The following WDR17 variants were observed in gnomAD, a reference collection of about 807,000 sequenced individuals.
WDR17 encodes the protein WD repeat-containing protein 17.
WDR17 carries 143 observed loss-of-function variants against 161.7 expected under a neutral mutation model. That is an observed-to-expected ratio of 0.88 (90% CI 0.77 to 1.02). WDR17 has a LOEUF of 1.02. WDR17 is among the 50% of genes least tolerant of loss of function. The pLI is 0.00. For synonymous variants in WDR17, 517 were observed against 515.6 expected (o/e 1.00, Z -0.04); for missense variants, 1,469 against 1,520.9 (o/e 0.97, Z 0.57).
intron 18 of WDR17, among the ~76,000 whole-genome samples, chr4:176,159,528 T>C (rs1748708932): frequency 6.6e-6 from 1 of 152,206 alleles, no homozygotes; most frequent in African/African-American, 2.4e-5. Flanking sequence ...TTTATGTTTC[T>C]ATATTCTCCA....
chr4:176,089,658 T>C (rs988105412), intron 1 of WDR17, among the ~76,000 whole-genome samples: 1 of 152,134 alleles, frequency 6.6e-6, no homozygotes, highest in African/African-American at 2.4e-5. Flanking sequence ...GTGCCGAGTG[T>C]AGTATATATG....
intron 1 of WDR17, among the ~76,000 whole-genome samples, chr4:176,069,614 G>T (rs1732963983): frequency 6.6e-6 from 1 of 152,040 alleles, no homozygotes; most frequent in Non-Finnish European, 1.5e-5. Flanking sequence ...TTTTTCTTAT[G>T]CTTAGGTTTA....
At chr4:176,100,965 A>G (rs1031529737) in intron 1 of WDR17, among the ~76,000 whole-genome samples, 11 of 152,180 alleles carry the variant, frequency 7.2e-5, no homozygotes, top group Middle Eastern at 3.4e-3. Flanking sequence ...TTATACCAGT[A>G]CCATGCTATT....
intron 20 of WDR17, 64 bp downstream of exon 20, chr4:176,161,066 A>C: frequency 7.3e-7 from 1 of 1,362,838 alleles, no homozygotes; most frequent in Non-Finnish European, 1.0e-6. Context: ...GGAATTTTTG[A>C]AGTCTCTATA....
chr4:176,120,235 A>G, intron 4 of WDR17, 138 bp downstream of exon 4: 1 of 554,830 alleles, frequency 1.8e-6, no homozygotes. Context: ...TGATATTATT[A>G]TTGTTAAAAT....
At chr4:176,079,173 C>T (rs1734440002) in intron 1 of WDR17, among the ~76,000 whole-genome samples, 1 of 152,106 alleles carries the variant, frequency 6.6e-6, no homozygotes, top group African/African-American at 2.4e-5. Flanking sequence ...GTCTTCCAGG[C>T]TTATCTATGT....
chr4:176,098,727 T>G (rs1321127809), intron 1 of WDR17, among the ~76,000 whole-genome samples: 1 of 151,996 alleles, frequency 6.6e-6, no homozygotes, highest in Admixed American at 6.6e-5. Context: ...AATATGTAAT[T>G]CAGATTTTAA....
In WDR17 at chr4:176,150,173, TGTAA is replaced by T; in HGVS notation, c.2178+4_2178+7del. 6.2e-7 allele frequency: 1 copy of T among 1,612,054 alleles called. No individual in the cohort carries two copies. The highest frequency in any genetic ancestry group is 2.2e-5 in the East Asian group (1 of 44,802). On this transcript the variant is annotated splice_donor_variant and splice_donor_region_variant and intron_variant, in intron 15 of 28. Transcript: ENST00000508596. LOFTEE classifies it high-confidence loss of function. Reference sequence around the variant, plus strand: ...TAAGATGGTTCTCAGAATGTTTATCTGTAAGTATTACAGGAATTAAATGCGAATA... The same window carrying T: ...TAAGATGGTTCTCAGAATGTTTATCTGTATTACAGGAATTAAATGCGAATA...
At chr4:176,076,250 T>C (rs1467331514) in intron 1 of WDR17, among the ~76,000 whole-genome samples, 86 of 64,678 alleles carry the variant, frequency 1.3e-3, no homozygotes, top group Middle Eastern at 0.016. Flanking sequence ...TATATATATA[T>C]ATATACACAC....
Position 176,092,780 on chromosome 4 carries a change from G to A in WDR17, c.-6-18795G>A, listed in dbSNP as rs183700836. Reference sequence around the variant, plus strand: ...ATCAAGGCTTGATGCGGTGGCTCACGTCTGTAATCTCAGCACTTTGGGAGG... The same window carrying A: ...ATCAAGGCTTGATGCGGTGGCTCACATCTGTAATCTCAGCACTTTGGGAGG... On this transcript the variant is annotated intron_variant, in intron 1 of 28. Coordinates refer to ENST00000508596, the MANE Select transcript of WDR17 (RefSeq NM_181265.4). Among the ~76,000 whole-genome samples, 309 of 152,264 alleles carry A rather than the reference G, an allele frequency of 2.0e-3. 1 individual carries two copies. Among genetic ancestry groups the A allele is most frequent in the Middle Eastern group, 0.014 (4 of 294 alleles).
At chr4:176,099,585 C>T (rs578090304) in intron 1 of WDR17, among the ~76,000 whole-genome samples, 1 of 152,100 alleles carries the variant, frequency 6.6e-6, no homozygotes, top group African/African-American at 2.4e-5. Context: ...TATTTTTAAC[C>T]AACTTTTAAA....
At position 176,135,018 on chromosome 4, in the gene WDR17, C is replaced by T. The variant is rs568581003; in HGVS notation, c.1099-90C>T. 5.4e-6 allele frequency: 7 copies of T among 1,308,272 alleles called. No individual in the cohort carries two copies. In the East Asian group the frequency reaches 6.9e-5, roughly 13 times the overall value. The allele number at this position is 1,308,272 out of a possible 1,614,324, so 81.0% of individuals were successfully genotyped here. A position where few individuals can be genotyped will look rare whatever the true frequency, so the allele number is the denominator to read the frequency against. ...GCATTAATATTTGGAAAACCGTATA[C>T]ATGTGTCAATTTGAGTAAACATTGT... On this transcript the variant is annotated intron_variant, in intron 7 of 28. Coordinates refer to ENST00000508596, the MANE Select transcript of WDR17 (RefSeq NM_181265.4).
chr4:176,177,230 G>A, intron 27 of WDR17, 74 bp downstream of exon 27: 1 of 1,308,608 alleles, frequency 7.6e-7, no homozygotes, highest in Non-Finnish European at 1.1e-6. Flanking sequence ...GGAAGTATGT[G>A]TGGTCTCATT....
intron 5 of WDR17, among the ~76,000 whole-genome samples, chr4:176,128,410 G>GA (rs547298428): frequency 7.1e-6 from 1 of 140,712 alleles, no homozygotes. Flanking sequence ...TCTGTGGCTG[G>GA]CCTTTCCTAG....
intron 1 of WDR17, among the ~76,000 whole-genome samples, chr4:176,110,685 C>T (rs1208002072): frequency 6.6e-6 from 1 of 152,114 alleles, no homozygotes; most frequent in East Asian, 1.9e-4. Context: ...TTAGAGTTTA[C>T]ATATAGATTC....
rs1054092016 is a variant in WDR17 at position 176,173,284 on chromosome 4, G to A, written c.3262G>A (p.Asp1088Asn). The part of the protein sequence containing the change: ...SFVKEYISSS[D>N]WTLDTIYPVL... ...TTTTCCAGAATACATCAGTAGCTCA[G>A]ACTGGACTTTGGATACCATATACCC... is the stretch of plus-strand genomic sequence containing the variant. The change falls in exon 25 of 29, where the codon GAC (aspartate) becomes AAC (asparagine). Residue 1088 changes from aspartate (D) to asparagine (N), a missense_variant. By Grantham distance (23) the Asp-to-Asn change is conservative. Coordinates refer to ENST00000508596, the MANE Select transcript of WDR17 (RefSeq NM_181265.4). 1.2e-6 allele frequency: 2 copies of A among 1,610,566 alleles called. No homozygotes were observed. Among genetic ancestry groups the A allele is most frequent in the African/African-American group, 2.7e-5 (2 of 74,724 alleles).
At chr4:176,124,038 T>A (rs987682974) in intron 4 of WDR17, among the ~76,000 whole-genome samples, 2 of 152,226 alleles carry the variant, frequency 1.3e-5, no homozygotes, top group African/African-American at 4.8e-5. Flanking sequence ...TATTTTACGA[T>A]ATCATAGTCT....
chr4:176,143,593 G>C (rs1387477709), intron 11 of WDR17, among the ~76,000 whole-genome samples: 1 of 152,090 alleles, frequency 6.6e-6, no homozygotes, highest in Non-Finnish European at 1.5e-5. Flanking sequence ...GTGGGAGGAT[G>C]GGTTGAGCCC....
intron 2 of WDR17, among the ~76,000 whole-genome samples, 160 bp downstream of exon 2, chr4:176,111,863 A>C: frequency 6.6e-6 from 1 of 152,190 alleles, no homozygotes; most frequent in East Asian, 1.9e-4. Flanking sequence ...AGGTTTTAAA[A>C]GTTAAACCTT....
Sources: gnomAD v4.1 joint callset for allele counts (sites outside exome capture counted in the v4.1 genomes callset) on GRCh38, gnomAD v4.1.1 for gene constraint, MANE v1.5 for transcripts, NCBI Gene and HGNC (gene_info 2026-07-23, HGNC 2026-07-21) for gene names.